AFF2: variants seen among roughly 807,000 people sequenced by gnomAD.
AFF2 encodes AF4/FMR2 family member 2.
AFF2 carries 14 observed loss-of-function variants against 76.9 expected under a neutral mutation model. The observed-to-expected ratio is 0.18, with a 90% CI of 0.12 to 0.28. The LOEUF is 0.28. Ranked by LOEUF, AFF2 falls within the 10% of genes least tolerant of loss-of-function variation. AFF2 has a pLI of 1.00. For synonymous variants in AFF2, 398 were observed against 366.7 expected (o/e 1.09, Z -0.98); for missense variants, 868 against 1,001.1 (o/e 0.87, Z 1.79).
chrX:148,781,565 C>G (rs1283909010), intron 3 of AFF2, among the ~76,000 whole-genome samples: 1 of 111,767 alleles, frequency 8.9e-6, no homozygotes, highest in Non-Finnish European at 1.9e-5. Context: ...TAATGGCATC[C>G]CAGGTCGACT....
At chrX:148,951,883 T>G (rs1425744484) in intron 9 of AFF2, among the ~76,000 whole-genome samples, 1 of 112,059 alleles carries the variant, frequency 8.9e-6, no homozygotes, top group African/African-American at 3.2e-5. Flanking sequence ...TTTCTTGTAC[T>G]TTCCCTAATC....
At chrX:148,832,598 C>G (rs781785568) in intron 4 of AFF2, among the ~76,000 whole-genome samples, 20 of 111,889 alleles carry the variant, frequency 1.8e-4, no homozygotes, top group Non-Finnish European at 3.8e-4. Flanking sequence ...TAGCAATGAG[C>G]TTTGAATGTG....
chrX:148,976,873 T>C (rs2072332067), intron 16 of AFF2, among the ~76,000 whole-genome samples: 1 of 112,595 alleles, frequency 8.9e-6, no homozygotes, highest in South Asian at 3.7e-4. Flanking sequence ...GGACCCACGT[T>C]AAATGTACAA....
At chrX:148,816,554 G>A (rs1480940677) in intron 4 of AFF2, among the ~76,000 whole-genome samples, 7 of 111,386 alleles carry the variant, frequency 6.3e-5, no homozygotes, top group Non-Finnish European at 1.1e-4. Context: ...ATGGTGAAAA[G>A]CAATAACAGT....
Position 148,772,507 on chromosome X carries a change from G to GT in AFF2, c.1042-37360dup, listed in dbSNP as rs1214246173. 1.4e-3 allele frequency among the ~76,000 whole-genome samples: 129 copies of GT among 95,374 alleles called. 1 individual carries two copies. The South Asian group carries it at 0.021, about 15-fold the overall frequency. 82.8% of individuals were successfully genotyped at this position (95,374 alleles called of 115,157 possible). A position where few individuals can be genotyped will look rare whatever the true frequency, so the allele number is the denominator to read the frequency against. On this transcript the variant is annotated intron_variant, in intron 3 of 20. Coordinates refer to ENST00000370460, the MANE Select transcript of AFF2 (RefSeq NM_002025.4). The stretch of plus-strand genomic sequence containing the variant: ...AAGAGTGGCTTACATTTTCAAAGTT[G>GT]TTTTTTTTTCTTTCTTTTTTTTCTT...
chrX:148,957,972 C>G (rs1202353654), intron 11 of AFF2, among the ~76,000 whole-genome samples: 1 of 112,473 alleles, frequency 8.9e-6, no homozygotes, highest in Non-Finnish European at 1.9e-5. Flanking sequence ...ATGTCACATT[C>G]AAGTTACAAT....
intron 4 of AFF2, among the ~76,000 whole-genome samples, chrX:148,811,748 T>C (rs1256050316): frequency 8.9e-6 from 1 of 111,956 alleles, no homozygotes; most frequent in East Asian, 2.8e-4. Context: ...TGTGACTAAA[T>C]GCAGGAAGGA....
chrX:148,603,437 A>G (rs200204721), intron 1 of AFF2, among the ~76,000 whole-genome samples: 2 of 83,656 alleles, frequency 2.4e-5, no homozygotes, highest in Non-Finnish European at 4.5e-5. Context: ...AAATCTAGCC[A>G]CTTTCTTTCA....
chrX:148,581,194 T>C (rs1232582397), intron 1 of AFF2, among the ~76,000 whole-genome samples: 2 of 57,949 alleles, frequency 3.5e-5, no homozygotes, highest in Non-Finnish European at 3.2e-5. Context: ...CACATATACA[T>C]ATACGTATAC....
intron 4 of AFF2, among the ~76,000 whole-genome samples, chrX:148,812,494 C>T (rs142051544): frequency 3.6e-5 from 4 of 110,949 alleles, no homozygotes; most frequent in African/African-American, 9.8e-5. Flanking sequence ...TAGAAGCATG[C>T]GCTAGTTATT....
At chrX:148,573,461 C>A (rs1353029804) in intron 1 of AFF2, among the ~76,000 whole-genome samples, 1 of 110,778 alleles carries the variant, frequency 9.0e-6, no homozygotes, top group Admixed American at 9.6e-5. Context: ...CTGTGGAATG[C>A]GATAATCGAT....
At position 148,886,120 on chromosome X, in the gene AFF2, G is replaced by T. The variant is rs964269223; in HGVS notation, c.1359+135G>T. On this transcript the variant is annotated intron_variant, in intron 8 of 20. Transcript: ENST00000370460. ...CTTTGGAGAGAGGGAAAGAAGCAAAGATGAGCATAGTGTTCTGGAACAGGT... is the reference window on the plus strand; with the variant it reads ...CTTTGGAGAGAGGGAAAGAAGCAAATATGAGCATAGTGTTCTGGAACAGGT... 6 of 510,526 alleles carry T rather than the reference G, an allele frequency of 1.2e-5. No homozygotes were observed. In the African/African-American group the frequency reaches 1.4e-4, roughly 12 times the overall value. The allele number at this position is 510,526 out of a possible 1,213,427, so 42.1% of individuals were successfully genotyped here.
intron 9 of AFF2, among the ~76,000 whole-genome samples, chrX:148,907,406 G>A (rs1387829577): frequency 1.8e-5 from 2 of 111,540 alleles, no homozygotes; most frequent in Admixed American, 9.5e-5. Context: ...GTCCTGTCGG[G>A]CGAAATTCAC....
intron 8 of AFF2, among the ~76,000 whole-genome samples, chrX:148,902,109 C>T (rs991650864): frequency 8.9e-6 from 1 of 112,180 alleles, no homozygotes; most frequent in Non-Finnish European, 1.9e-5. Context: ...AACATGATCA[C>T]GTTCCTCCTG....
intron 3 of AFF2, among the ~76,000 whole-genome samples, chrX:148,804,159 A>G (rs1051180204): frequency 3.6e-5 from 4 of 111,959 alleles, no homozygotes; most frequent in African/African-American, 1.3e-4. Flanking sequence ...AGGTACTTTT[A>G]TAAACCTCAC....
intron 7 of AFF2, among the ~76,000 whole-genome samples, chrX:148,874,137 G>A (rs782340857): frequency 4.5e-5 from 5 of 111,319 alleles, no homozygotes; most frequent in Non-Finnish European, 9.4e-5. Flanking sequence ...AAAGAGTAGA[G>A]CTCCAATTTC....
At chrX:148,544,168 T>A (rs1462631008) in intron 1 of AFF2, among the ~76,000 whole-genome samples, 3 of 112,408 alleles carry the variant, frequency 2.7e-5, no homozygotes, top group Non-Finnish European at 5.6e-5. Flanking sequence ...TCAGGCCTTG[T>A]GTTTTATTTC....
intron 7 of AFF2, among the ~76,000 whole-genome samples, chrX:148,858,518 C>A (rs1487283277): frequency 1.8e-5 from 2 of 111,598 alleles, no homozygotes; most frequent in Admixed American, 1.9e-4. Flanking sequence ...TTCAAAACAT[C>A]AATTTACATG....
At chrX:148,749,142 T>C (rs5980586) in intron 3 of AFF2, among the ~76,000 whole-genome samples, 2,726 of 112,287 alleles carry the variant, frequency 0.024, 91 homozygotes, top group African/African-American at 0.084. Flanking sequence ...TTAGTTTCTC[T>C]GTTGCCCTAA....
Sources: allele counts gnomAD v4.1 joint callset (sites outside exome capture counted in the v4.1 genomes callset), GRCh38; gene constraint gnomAD v4.1.1; transcripts MANE v1.5; gene names NCBI Gene and HGNC (gene_info 2026-07-23, HGNC 2026-07-21).